EPB41L4A: variants seen among roughly 807,000 people sequenced by gnomAD.
The protein encoded by EPB41L4A is erythrocyte membrane protein band 4.1 like 4A.
A neutral mutation model predicts 108.6 loss-of-function variants in EPB41L4A; 100 were observed. The ratio of observed to expected loss-of-function variants is 0.92; its 90% confidence interval spans 0.78 to 1.09. The LOEUF is 1.09. Ranked by LOEUF, EPB41L4A falls within the 50% of genes least tolerant of loss-of-function variation. The pLI is 0.00. For missense variants in EPB41L4A, 1,030 were observed against 842.7 expected (o/e 1.22, Z -2.75); for synonymous variants, 319 against 289.0 (o/e 1.10, Z -1.05).
At chr5:112,404,733 G>A (rs963853632) in intron 1 of EPB41L4A, among the ~76,000 whole-genome samples, 12 of 152,216 alleles carry the variant, frequency 7.9e-5, no homozygotes, top group Non-Finnish European at 1.5e-4. Context: ...TTTAAGTTCC[G>A]GATGGTTAGA....
At chr5:112,285,026 C>G (rs760220817) in intron 2 of EPB41L4A, among the ~76,000 whole-genome samples, 2 of 152,158 alleles carry the variant, frequency 1.3e-5, no homozygotes, top group African/African-American at 2.4e-5. Flanking sequence ...TCCAACCTTT[C>G]ATTTGTCAAC....
At chr5:112,284,344 G>C (rs1753149004) in intron 2 of EPB41L4A, among the ~76,000 whole-genome samples, 1 of 152,168 alleles carries the variant, frequency 6.6e-6, no homozygotes, top group African/African-American at 2.4e-5. Context: ...AATTGGAGCT[G>C]TGCTGCATCT....
At chr5:112,239,025 G>T (rs1309134882) in intron 11 of EPB41L4A, among the ~76,000 whole-genome samples, 1 of 152,182 alleles carries the variant, frequency 6.6e-6, no homozygotes, top group East Asian at 1.9e-4. Context: ...CCAGGGGATG[G>T]ATCCCACTTC....
intron 1 of EPB41L4A, among the ~76,000 whole-genome samples, chr5:112,339,542 A>ATATATATT (rs371198329): frequency 1.4e-4 from 16 of 110,678 alleles, no homozygotes; most frequent in African/African-American, 4.4e-4. Flanking sequence ...ATATATATAT[A>ATATATATT]TTTTTTTTTT....
In EPB41L4A at chr5:112,330,666, C is replaced by T. The variant is rs192521839; in HGVS notation, c.100-23176G>A. On this transcript the variant is annotated intron_variant, in intron 1 of 22. Coordinates refer to ENST00000261486, the MANE Select transcript of EPB41L4A (RefSeq NM_022140.5). ...TAAGCAGAAGACGCAGAATTTGAAC[C>T]CAGGCCAGCTGGCTGTGGAACCCAT... Among the ~76,000 whole-genome samples the T allele has an allele frequency of 1.3e-3, 198 of 152,024 alleles. 1 individual carries two copies. The highest frequency in any genetic ancestry group is 4.6e-3 in the African/African-American group (190 of 41,482).
chr5:112,367,657 A>G (rs940482548), intron 1 of EPB41L4A, among the ~76,000 whole-genome samples: 9 of 152,218 alleles, frequency 5.9e-5, no homozygotes, highest in African/African-American at 2.2e-4. Context: ...CAAGTGCGTC[A>G]CAAATTCACA....
intron 9 of EPB41L4A, among the ~76,000 whole-genome samples, chr5:112,253,431 T>C (rs1354218586): frequency 6.6e-6 from 1 of 152,136 alleles, no homozygotes; most frequent in Non-Finnish European, 1.5e-5. Flanking sequence ...GATAAAAAAA[T>C]GCTATGAAAG....
chr5:112,179,737 GAAAAAGAGCAGCC>G (rs1761051815), intron 18 of EPB41L4A, among the ~76,000 whole-genome samples: 1 of 152,088 alleles, frequency 6.6e-6, no homozygotes. Flanking sequence ...CTCCCTTTAT[GAAAAAGAGCAGCC>G]AAGGATGTCT....
chr5:112,404,042 G>C (rs1005306018), intron 1 of EPB41L4A, among the ~76,000 whole-genome samples: 2 of 152,178 alleles, frequency 1.3e-5, no homozygotes, highest in African/African-American at 4.8e-5. Context: ...TTTCTAATCG[G>C]CAAATGCAAA....
At chr5:112,295,080 T>C (rs546057163) in intron 2 of EPB41L4A, among the ~76,000 whole-genome samples, 3 of 152,220 alleles carry the variant, frequency 2.0e-5, no homozygotes, top group East Asian at 1.9e-4. Context: ...GAGAGGTGAA[T>C]AGATGACCAC....
chr5:112,303,168 G>T (rs1359405012), intron 2 of EPB41L4A, among the ~76,000 whole-genome samples: 1 of 152,104 alleles, frequency 6.6e-6, no homozygotes, highest in African/African-American at 2.4e-5. Context: ...AGTCATTATA[G>T]GTACTTTCCA....
chr5:112,380,413 T>C (rs1760092638), intron 1 of EPB41L4A, among the ~76,000 whole-genome samples: 1 of 152,184 alleles, frequency 6.6e-6, no homozygotes, highest in East Asian at 1.9e-4. Flanking sequence ...AGAATTAACA[T>C]TCTACAGAAT....
chr5:112,355,910 T>C (rs1758332554), intron 1 of EPB41L4A, among the ~76,000 whole-genome samples: 1 of 152,226 alleles, frequency 6.6e-6, no homozygotes. Flanking sequence ...GTTTACTGTG[T>C]TCAAGTGATT....
At chr5:112,319,484 A>C (rs1272467050) in intron 1 of EPB41L4A, among the ~76,000 whole-genome samples, 1 of 152,242 alleles carries the variant, frequency 6.6e-6, no homozygotes, top group African/African-American at 2.4e-5. Context: ...TAAAATGAGT[A>C]CATTAGGGTC....
rs572047961 is a variant in EPB41L4A at position 112,391,621 on chromosome 5, C to T, written c.99+27320G>A. Among the ~76,000 whole-genome samples the T allele has an allele frequency of 1.6e-4, 25 of 152,152 alleles. No homozygotes were observed. In the East Asian group the frequency reaches 3.5e-3, roughly 21 times the overall value. ...TACGTCTGATTGGTATACCTGAAAGCGATGGGGAGAATGGAACCAAGGGGG... is the reference window on the plus strand; with the variant it reads ...TACGTCTGATTGGTATACCTGAAAGTGATGGGGAGAATGGAACCAAGGGGG... On this transcript the variant is annotated intron_variant, in intron 1 of 22. Coordinates refer to ENST00000261486, the MANE Select transcript of EPB41L4A (RefSeq NM_022140.5).
intron 1 of EPB41L4A, among the ~76,000 whole-genome samples, chr5:112,330,105 G>C (rs1756460456): frequency 6.6e-6 from 1 of 151,860 alleles, no homozygotes; most frequent in African/African-American, 2.4e-5. Context: ...ATGGTAGCAA[G>C]AACGGCTTGC....
At chr5:112,274,870 A>G (rs1752512451) in intron 4 of EPB41L4A, among the ~76,000 whole-genome samples, 1 of 152,214 alleles carries the variant, frequency 6.6e-6, no homozygotes, top group African/African-American at 2.4e-5. Flanking sequence ...TAAAAGCAAA[A>G]TTATCTTCTC....
At chr5:112,159,948 C>G (rs903856145), downstream of EPB41L4A, among the ~76,000 whole-genome samples, 5 of 143,368 alleles carry the variant, frequency 3.5e-5, no homozygotes, top group African/African-American at 7.8e-5. Context: ...TTTGTCCAGG[C>G]TGGAGTCAAG....
At chr5:112,314,043 G>C (rs2150598488) in intron 1 of EPB41L4A, among the ~76,000 whole-genome samples, 1 of 151,740 alleles carries the variant, frequency 6.6e-6, no homozygotes, top group South Asian at 2.1e-4. Flanking sequence ...TGTATTTTTA[G>C]TAGACGGGGT....
Sources: allele counts gnomAD v4.1 joint callset (sites outside exome capture counted in the v4.1 genomes callset), GRCh38; gene constraint gnomAD v4.1.1; transcripts MANE v1.5; gene names NCBI Gene and HGNC (gene_info 2026-07-23, HGNC 2026-07-21).